RBFOX3: variants seen among roughly 807,000 people sequenced by gnomAD.
RBFOX3 encodes the protein RNA binding fox-1 homolog 3.
Under a neutral mutation model 48.7 loss-of-function variants are expected in RBFOX3, and 17 were observed. That is an observed-to-expected ratio of 0.35 (90% CI 0.24 to 0.52). The LOEUF is 0.52. Ranked by LOEUF, RBFOX3 falls within the 20% of genes least tolerant of loss-of-function variation. The probability of loss-of-function intolerance (pLI) is 0.94; values close to 1 mark genes in which losing one functional copy is unlikely to be tolerated. For synonymous variants in RBFOX3, 212 were observed against 209.5 expected (o/e 1.01, Z -0.10); for missense variants, 382 against 497.5 (o/e 0.77, Z 2.21).
intron 2 of RBFOX3, among the ~76,000 whole-genome samples, chr17:79,371,506 T>C (rs2058537657): frequency 6.6e-6 from 1 of 152,128 alleles, no homozygotes; most frequent in African/African-American, 2.4e-5. Flanking sequence ...TATCAGGGGC[T>C]TTGGCTCCTG....
intron 3 of RBFOX3, among the ~76,000 whole-genome samples, chr17:79,264,083 C>A (rs2066259615): frequency 6.7e-6 from 1 of 148,794 alleles, no homozygotes; most frequent in Non-Finnish European, 1.5e-5. Context: ...GGAGCGCAGC[C>A]CTGTTGGCAT....
chr17:79,175,562 T>C (rs2050350018), intron 4 of RBFOX3, among the ~76,000 whole-genome samples: 1 of 152,194 alleles, frequency 6.6e-6, no homozygotes, highest in African/African-American at 2.4e-5. Context: ...TCTTCCTGTC[T>C]CCAGGCGGTC....
the RBFOX3 span, among the ~76,000 whole-genome samples, chr17:79,649,403 C>T: frequency 6.6e-6 from 1 of 152,226 alleles, no homozygotes; most frequent in Admixed American, 6.5e-5. Context: ...TCTGTTCTTG[C>T]ACTGCTATAA....
At chr17:79,497,760 C>T (rs2081763211) in intron 1 of RBFOX3, among the ~76,000 whole-genome samples, 1 of 152,232 alleles carries the variant, frequency 6.6e-6, no homozygotes, top group South Asian at 2.1e-4. Flanking sequence ...CACCTTACAG[C>T]AACACAGATG....
At chr17:79,350,316 A>C (rs569130725) in intron 2 of RBFOX3, among the ~76,000 whole-genome samples, 3 of 152,184 alleles carry the variant, frequency 2.0e-5, no homozygotes, top group Non-Finnish European at 4.4e-5. Flanking sequence ...TTAATTCTCC[A>C]ACTCTTCCCT....
intron 2 of RBFOX3, among the ~76,000 whole-genome samples, chr17:79,348,571 C>CTTTTTTT (rs71358701): frequency 2.7e-5 from 2 of 75,144 alleles, no homozygotes; most frequent in African/African-American, 5.6e-5. Flanking sequence ...TTTTCTTTTC[C>CTTTTTTT]TTTTTTTTTT....
chr17:79,563,111 C>T (rs2092313703), intron 1 of RBFOX3, among the ~76,000 whole-genome samples: 1 of 151,992 alleles, frequency 6.6e-6, no homozygotes, highest in East Asian at 1.9e-4. Context: ...CCTTTAGGAA[C>T]ATTTGAAATG....
intron 4 of RBFOX3, among the ~76,000 whole-genome samples, chr17:79,144,618 G>A (rs1448532345): frequency 6.6e-6 from 1 of 152,186 alleles, no homozygotes; most frequent in African/African-American, 2.4e-5. Flanking sequence ...TTGAGCCACA[G>A]GAGGAGGAAG....
intron 2 of RBFOX3, among the ~76,000 whole-genome samples, chr17:79,375,232 G>A (rs950872217): frequency 9.9e-5 from 15 of 152,158 alleles, no homozygotes; most frequent in African/African-American, 3.4e-4. Context: ...CATTTCCCAG[G>A]CAGCTGGTCA....
chr17:79,616,487 G>A, the RBFOX3 span, among the ~76,000 whole-genome samples: 2 of 149,452 alleles, frequency 1.3e-5, no homozygotes, highest in African/African-American at 4.9e-5. Context: ...AGTGAGCCAA[G>A]ATCACACCAC....
At position 79,096,635 on chromosome 17, in the gene RBFOX3, C is replaced by A. The variant is rs1196792536; in HGVS notation, c.936+18G>T. The A allele has an allele frequency of 6.5e-7, 1 of 1,535,428 alleles. No individual in the cohort carries two copies. Among genetic ancestry groups the A allele is most frequent in the Non-Finnish European group, 8.8e-7 (1 of 1,132,982 alleles). On this transcript the variant is annotated intron_variant, in intron 12 of 14. Coordinates refer to ENST00000693108, the MANE Select transcript of RBFOX3 (RefSeq NM_001350451.2). ...GAACGCCTGATCCCACCCTCCCTCCCGGCGGGGCTACACTTACATAAATCT... is the reference window on the plus strand; with the variant it reads ...GAACGCCTGATCCCACCCTCCCTCCAGGCGGGGCTACACTTACATAAATCT...
intron 4 of RBFOX3, among the ~76,000 whole-genome samples, chr17:79,134,587 T>C (rs1224820217): frequency 6.6e-6 from 1 of 152,196 alleles, no homozygotes; most frequent in Admixed American, 6.5e-5. Flanking sequence ...GACCCTGTCA[T>C]CTGCTAGAAA....
chr17:79,161,835 C>T (rs959696163), intron 4 of RBFOX3, among the ~76,000 whole-genome samples: 13 of 152,158 alleles, frequency 8.5e-5, no homozygotes, highest in African/African-American at 2.9e-4. Flanking sequence ...CCTCTTGATC[C>T]GCCTGCCTCA....
chr17:79,610,296 C>G (rs2093942504), intron 1 of RBFOX3, among the ~76,000 whole-genome samples: 1 of 152,002 alleles, frequency 6.6e-6, no homozygotes, highest in South Asian at 2.1e-4. Context: ...GACAGACGCA[C>G]GTTGCACCAC....
intron 2 of RBFOX3, among the ~76,000 whole-genome samples, chr17:79,376,778 C>A (rs2059273597): frequency 1.3e-5 from 2 of 152,152 alleles, no homozygotes; most frequent in African/African-American, 4.8e-5. Context: ...GGGGGTGCTT[C>A]TTTCACCTGT....
At chr17:79,553,763 C>T (rs1392129197) in intron 1 of RBFOX3, among the ~76,000 whole-genome samples, 2 of 152,110 alleles carry the variant, frequency 1.3e-5, no homozygotes, top group African/African-American at 4.8e-5. Flanking sequence ...CTCTCTCTCT[C>T]TCTCTGTTGC....
At chr17:79,532,204 G>GGAGGGGA (rs1485001539) in intron 1 of RBFOX3, among the ~76,000 whole-genome samples, 1 of 152,128 alleles carries the variant, frequency 6.6e-6, no homozygotes, top group Non-Finnish European at 1.5e-5. Flanking sequence ...ACTGGAGGGG[G>GGAGGGGA]GAGGGGAGGA....
chr17:79,478,379 T>G (rs1399681374), intron 2 of RBFOX3, among the ~76,000 whole-genome samples: 1 of 152,118 alleles, frequency 6.6e-6, no homozygotes. Context: ...CTCAGCCCCA[T>G]GGCGTGTGCG....
At chr17:79,555,985 A>G (rs948894901) in intron 1 of RBFOX3, among the ~76,000 whole-genome samples, 75 of 152,298 alleles carry the variant, frequency 4.9e-4, no homozygotes, top group Admixed American at 1.3e-3. Context: ...AATACCATAC[A>G]GTGAAGACAG....
Sources: allele counts gnomAD v4.1 joint callset (sites outside exome capture counted in the v4.1 genomes callset), GRCh38; gene constraint gnomAD v4.1.1; transcripts MANE v1.5; gene names NCBI Gene and HGNC (gene_info 2026-07-23, HGNC 2026-07-21).